Variants in ANKRD30B observed in about 807,000 individuals in gnomAD.
The protein encoded by ANKRD30B is ankyrin repeat domain-containing protein 30B.
In ANKRD30B, 144 loss-of-function variants were observed where a neutral mutation model predicts 202.2. That is an observed-to-expected ratio of 0.71 (90% CI 0.62 to 0.82). The LOEUF (loss-of-function observed/expected upper bound fraction) is 0.82. ANKRD30B is among the 40% of genes least tolerant of loss of function. The pLI, the probability that ANKRD30B is intolerant of heterozygous loss-of-function variation, is 0.00. For missense variants in ANKRD30B, 1,487 were observed against 1,669.1 expected (o/e 0.89, Z 1.90); for synonymous variants, 508 against 561.3 (o/e 0.91, Z 1.34).
chr18:14,845,342 A>G (rs1971589187), intron 39 of ANKRD30B, among the ~76,000 whole-genome samples: 1 of 152,300 alleles, frequency 6.6e-6, no homozygotes. Context: ...CATTTATTAA[A>G]TAGGGAATTC....
rs181355378 is a variant in ANKRD30B, at chr18:14,849,359, T to C, written c.3395+430T>C. ...TCTTTGTTCATTACTTCTAAATTGTTCTCAAGAAAATTTATATTCATTTAC... is the reference window on the plus strand; with the variant it reads ...TCTTTGTTCATTACTTCTAAATTGTCCTCAAGAAAATTTATATTCATTTAC... On this transcript the variant is annotated intron_variant, in intron 40 of 43. Transcript: ENST00000690538. Among the ~76,000 whole-genome samples the C allele has an allele frequency of 2.8e-3, 425 of 151,888 alleles. 7 individuals carry two copies. The East Asian group carries it at 0.046, about 16-fold the overall frequency.
intron 40 of ANKRD30B, among the ~76,000 whole-genome samples, chr18:14,849,295 T>C (rs1344775648): frequency 6.6e-6 from 1 of 151,810 alleles, no homozygotes; most frequent in Non-Finnish European, 1.5e-5. Flanking sequence ...TTCTTCAATA[T>C]AGAAATATTT....
chr18:14,795,018 C>G (rs1399556255), intron 16 of ANKRD30B, among the ~76,000 whole-genome samples: 1 of 152,178 alleles, frequency 6.6e-6, no homozygotes, highest in Non-Finnish European at 1.5e-5. Context: ...AGTGGCTTAA[C>G]AACTCACATG....
At chr18:14,826,137 AG>A (rs1323506679) in intron 32 of ANKRD30B, among the ~76,000 whole-genome samples, 1 of 152,078 alleles carries the variant, frequency 6.6e-6, no homozygotes, top group Non-Finnish European at 1.5e-5. Flanking sequence ...TATTAAGCAA[AG>A]CCATAGATCT....
In ANKRD30B at chr18:14,763,746, C is replaced by T. The variant is rs149039636; in HGVS notation, c.881C>T (p.Thr294Met). 6,096 of 1,613,960 alleles carry T rather than the reference C, an allele frequency of 3.8e-3. 11 individuals carry two copies. The highest frequency in any genetic ancestry group is 4.6e-3 in the Non-Finnish European group (5,404 of 1,179,978). Residue 294 changes from threonine (T) to methionine (M), a missense_variant, in exon 7 of 44, where the codon ACG becomes ATG. Around this residue, in one of 6 missense-constraint regions of ANKRD30B, gnomAD observed 889 missense variants for 841.4 expected, o/e 1.06. Transcript: ENST00000690538. ...CCCTTGGCGGAAAGAACACCTGACACGGCTGAAAGCTTGCTGGAAAAAACA... is the reference window on the plus strand; with the variant it reads ...CCCTTGGCGGAAAGAACACCTGACATGGCTGAAAGCTTGCTGGAAAAAACA... The part of the protein sequence containing the change: ...AAPLAERTPD[T>M]AESLLEKTPD...
At chr18:14,918,506 C>T in the ANKRD30B span, among the ~76,000 whole-genome samples, 6 of 152,078 alleles carry the variant, frequency 3.9e-5, no homozygotes, top group South Asian at 2.1e-4. Context: ...ACAGGCTCCC[C>T]GACTCCAGGC....
At chr18:14,936,434 C>T in the ANKRD30B span, among the ~76,000 whole-genome samples, 1 of 152,134 alleles carries the variant, frequency 6.6e-6, no homozygotes, top group Non-Finnish European at 1.5e-5. Flanking sequence ...CATCCTAAGC[C>T]CTGCAATCTG....
chr18:14,838,078 A>G (rs1971258262), intron 36 of ANKRD30B, among the ~76,000 whole-genome samples: 1 of 152,256 alleles, frequency 6.6e-6, no homozygotes, highest in African/African-American at 2.4e-5. Context: ...CTTTATAATC[A>G]TGTGCCAAGT....
the ANKRD30B span, among the ~76,000 whole-genome samples, chr18:14,917,890 C>T: frequency 6.6e-6 from 1 of 152,192 alleles, no homozygotes; most frequent in African/African-American, 2.4e-5. Context: ...ACCTTCTTCT[C>T]CCCCAGGGCG....
chr18:14,871,964 T>G, the ANKRD30B span, among the ~76,000 whole-genome samples: 1 of 152,214 alleles, frequency 6.6e-6, no homozygotes, highest in Non-Finnish European at 1.5e-5. Flanking sequence ...TGCTCAAGAT[T>G]TGACTTACAT....
the ANKRD30B span, among the ~76,000 whole-genome samples, chr18:14,920,641 G>GT: frequency 3.9e-5 from 6 of 152,188 alleles, no homozygotes; most frequent in Non-Finnish European, 8.8e-5. Flanking sequence ...TGAAATTAGT[G>GT]TTTTGACTTC....
rs770426316 is a variant in ANKRD30B at position 14,852,170 on chromosome 18, A to G, written c.4226A>G (p.Asp1409Gly). The change falls in exon 42 of 44, where the codon GAC becomes GGC. Residue 1409 changes from aspartate to glycine, a missense_variant. Physicochemically the swap from Asp to Gly is moderately conservative, Grantham distance 94. Around this residue, in one of 6 missense-constraint regions of ANKRD30B, gnomAD observed 182 missense variants for 216.0 expected, o/e 0.84. Transcript: ENST00000690538. ...HMYQNEQDNVDKHTEQQESLE... is the reference protein window; with the variant it reads ...HMYQNEQDNVGKHTEQQESLE... ...TATCAAAATGAACAAGATAATGTGG[A>G]CAAACACACTGAACAGCAGGAGTCT... 7.5e-6 allele frequency: 12 copies of G among 1,594,650 alleles called. No homozygotes were observed. The African/African-American group carries it at 1.1e-4, about 14-fold the overall frequency.
In ANKRD30B at chr18:14,791,429, A is replaced by C; in HGVS notation, c.1763A>C (p.Asp588Ala). ...ESPCETVSQK[D>A]VYLPKATHQK... The stretch of plus-strand genomic sequence containing the variant: ...CCCTGTGAGACGGTTTCACAGAAGG[A>C]TGTGTATTTACCCAAAGCTACACAT... The change falls in exon 16 of 44, where the codon GAT (aspartate) becomes GCT (alanine). Residue 588 changes from aspartate (D) to alanine (A), a missense_variant. Asp to Ala is a moderately radical substitution (Grantham distance 126). Coordinates refer to ENST00000690538, the MANE Select transcript of ANKRD30B (RefSeq NM_001367607.2). 1.9e-6 allele frequency: 3 copies of C among 1,610,898 alleles called. No individual in the cohort carries two copies. The South Asian group carries it at 3.3e-5, about 18-fold the overall frequency.
chr18:14,884,688 C>G, the ANKRD30B span, among the ~76,000 whole-genome samples: 3 of 152,006 alleles, frequency 2.0e-5, no homozygotes, highest in Non-Finnish European at 4.4e-5. Flanking sequence ...GACATCTTCC[C>G]AGATGAGAGT....
At chr18:14,931,942 C>G in the ANKRD30B span, among the ~76,000 whole-genome samples, 2 of 138,212 alleles carry the variant, frequency 1.4e-5, no homozygotes, top group Admixed American at 7.1e-5. Flanking sequence ...CCGGGCCCCC[C>G]ACCCCACCTC....
intron 40 of ANKRD30B, 142 bp from the exon 41 acceptor site, chr18:14,850,072 A>T: frequency 1.8e-6 from 1 of 546,094 alleles, no homozygotes; most frequent in Non-Finnish European, 2.9e-6. Context: ...AGTAATGAAT[A>T]CCAGAGAACT....
the ANKRD30B span, among the ~76,000 whole-genome samples, chr18:14,879,786 G>A: frequency 6.6e-6 from 1 of 151,070 alleles, no homozygotes. Context: ...AGGGTCAGGG[G>A]TTAAGGGTCA....
At chr18:14,825,477 A>C (rs1340690005) in intron 32 of ANKRD30B, among the ~76,000 whole-genome samples, 1 of 152,032 alleles carries the variant, frequency 6.6e-6, no homozygotes, top group East Asian at 1.9e-4. Context: ...TCGGATGATC[A>C]AACTTTTGTC....
intron 34 of ANKRD30B, among the ~76,000 whole-genome samples, chr18:14,834,453 C>T (rs1172755849): frequency 1.3e-5 from 2 of 151,806 alleles, no homozygotes; most frequent in South Asian, 2.1e-4. Flanking sequence ...TATAAAAGCA[C>T]AGCAAAAATA....
Sources: gnomAD v4.1 joint callset for allele counts (sites outside exome capture counted in the v4.1 genomes callset) on GRCh38, gnomAD v4.1.1 for gene constraint, gnomAD v4.1.1 regional missense constraint, MANE v1.5 for transcripts, NCBI Gene and HGNC (gene_info 2026-07-23, HGNC 2026-07-21) for gene names.